RNF144B: variants seen among roughly 807,000 people sequenced by gnomAD.
RNF144B encodes ring finger protein 144B.
In RNF144B, 25 loss-of-function variants were observed where a neutral mutation model predicts 40.2. That is an observed-to-expected ratio of 0.62 (90% CI 0.45 to 0.87). The LOEUF is 0.87. RNF144B is among the 40% of genes least tolerant of loss of function. The pLI, the probability that RNF144B is intolerant of heterozygous loss-of-function variation, is 0.00. For missense variants in RNF144B, 365 were observed against 373.7 expected, an observed-to-expected ratio of 0.98 and a Z score of 0.19; for synonymous variants, 145 against 136.3, an observed-to-expected ratio of 1.06 and a Z score of -0.44.
rs1418632263 is a variant in RNF144B, at chr6:18,466,058, C to G, written c.*991C>G. The G allele has an allele frequency of 2.0e-5, 3 of 152,198 alleles. No individual in the cohort carries two copies. The highest frequency in any genetic ancestry group is 4.4e-5 in the Non-Finnish European group (3 of 68,038). The allele number at this position is 152,198 out of a possible 1,614,324, so 9.4% of individuals were successfully genotyped here. On this transcript the variant is annotated 3_prime_UTR_variant, in exon 8 of 8. Transcript: ENST00000259939. The stretch of plus-strand genomic sequence containing the variant: ...CTGTAATTTCTATCCATTGAGCATG[C>G]ATGGATATACCCAATAGTACACACA...
In RNF144B at chr6:18,395,110, T is replaced by A. The variant is rs551277250; in HGVS notation, c.-36-4389T>A. On this transcript the variant is annotated intron_variant, in intron 1 of 7. Coordinates refer to ENST00000259939, the MANE Select transcript of RNF144B (RefSeq NM_182757.4). The surrounding 1 kb of genome is among the most constrained non-coding windows in gnomAD (Gnocchi z 4.5). The stretch of plus-strand genomic sequence containing the variant: ...ACACTCGGTGAGAGGCACAGTCACA[T>A]CTATAATCACTGTAAAAGTAATTAT... 5.3e-5 allele frequency among the ~76,000 whole-genome samples: 8 copies of A among 152,378 alleles called. No individual in the cohort carries two copies. In the South Asian group the frequency reaches 1.7e-3, roughly 32 times the overall value.
chr6:18,437,876 A>G (rs1013038712), intron 3 of RNF144B, among the ~76,000 whole-genome samples: 1 of 152,206 alleles, frequency 6.6e-6, no homozygotes, highest in African/African-American at 2.4e-5. Context: ...ACATTTATAT[A>G]AATTGCTCAT....
At chr6:18,390,260 T>A (rs1485887586) in intron 1 of RNF144B, among the ~76,000 whole-genome samples, 3 of 152,240 alleles carry the variant, frequency 2.0e-5, no homozygotes, top group African/African-American at 7.2e-5. Context: ...TTTATGTAAA[T>A]ATTTTAATTC....
chr6:18,440,890 C>CAA (rs1758948445), intron 4 of RNF144B, among the ~76,000 whole-genome samples: 2 of 124,200 alleles, frequency 1.6e-5, no homozygotes, highest in Non-Finnish European at 3.5e-5. Context: ...GCTAAATATA[C>CAA]CAAAAAAAAA....
At chr6:18,394,456 G>A (rs996776058) in intron 1 of RNF144B, among the ~76,000 whole-genome samples, 2 of 151,994 alleles carry the variant, frequency 1.3e-5, no homozygotes, top group South Asian at 2.1e-4. Context: ...AAATTAGCCC[G>A]GCGTGGTGGT....
chr6:18,459,781 G>T lies in RNF144B; in HGVS notation c.681+30G>T. On this transcript the variant is annotated intron_variant, in intron 6 of 7. Transcript: ENST00000259939. This position sits in a 1 kb window ranked among gnomAD's most constrained non-coding sequence, Gnocchi z 4.2. ...GTTCCACCTAGGTTTGTTGTATGGTGTTTCCTATACTGTATCTGCACCACA... is the reference window on the plus strand; with the variant it reads ...GTTCCACCTAGGTTTGTTGTATGGTTTTTCCTATACTGTATCTGCACCACA... 6.2e-7 allele frequency: 1 copy of T among 1,608,170 alleles called. No homozygotes were observed. The highest frequency in any genetic ancestry group is 1.1e-5 in the South Asian group (1 of 90,754).
intron 2 of RNF144B, among the ~76,000 whole-genome samples, chr6:18,409,350 C>G (rs1394000101): frequency 1.5e-5 from 2 of 134,234 alleles, no homozygotes; most frequent in Non-Finnish European, 3.1e-5. Context: ...TGCACTCCAG[C>G]CCGGGCACCT....
chr6:18,448,715 C>CAA lies in RNF144B; in HGVS notation c.332-8439_332-8438insAA, dbSNP rs756204459. On this transcript the variant is annotated intron_variant, in intron 4 of 7. Transcript: ENST00000259939. The surrounding 1 kb of genome is among the most constrained non-coding windows in gnomAD (Gnocchi z 4.0). Reference sequence around the variant, plus strand: ...ACACACACACACACACACACACACACACCCCACCCCCAAGATAGAACCAGC... The same window carrying CAA: ...ACACACACACACACACACACACACACAAACCCCACCCCCAAGATAGAACCAGC... Among the ~76,000 whole-genome samples the CAA allele has an allele frequency of 6.7e-6, 1 of 149,916 alleles. No homozygotes were observed. Among genetic ancestry groups the CAA allele is most frequent in the Non-Finnish European group, 1.5e-5 (1 of 67,102 alleles).
chr6:18,423,061 T>C (rs1317583014), intron 2 of RNF144B, among the ~76,000 whole-genome samples: 1 of 152,246 alleles, frequency 6.6e-6, no homozygotes, highest in Non-Finnish European at 1.5e-5. Flanking sequence ...AGGTTCCTAT[T>C]TGTCTGTGGA....
intron 2 of RNF144B, among the ~76,000 whole-genome samples, chr6:18,404,618 A>G (rs541610073): frequency 4.6e-5 from 7 of 152,362 alleles, no homozygotes; most frequent in Non-Finnish European, 1.0e-4. Flanking sequence ...ATTAGCAGTT[A>G]GGATAGAGAG....
rs1758532439 is a variant in RNF144B at position 18,425,612 on chromosome 6, T to G, written c.166-1969T>G. Among the ~76,000 whole-genome samples the G allele has an allele frequency of 6.6e-6, 1 of 152,178 alleles. No individual in the cohort carries two copies. The highest frequency in any genetic ancestry group is 2.1e-4 in the South Asian group (1 of 4,834). On this transcript the variant is annotated intron_variant, in intron 2 of 7. Transcript: ENST00000259939. The surrounding 1 kb of genome is among the most constrained non-coding windows in gnomAD (Gnocchi z 4.2). ...TAGAGCAAGTGATTTTTCACCCTTCTGTTGAACAAGGAAGTCAGGGTTAAA... is the reference window on the plus strand; with the variant it reads ...TAGAGCAAGTGATTTTTCACCCTTCGGTTGAACAAGGAAGTCAGGGTTAAA...
intron 1 of RNF144B, among the ~76,000 whole-genome samples, chr6:18,392,705 C>A (rs569901949): frequency 6.6e-6 from 1 of 152,162 alleles, no homozygotes; most frequent in Admixed American, 6.5e-5. Context: ...CACAGTGATA[C>A]AATACTGCCA....
At chr6:18,432,214 G>A (rs7739820) in intron 3 of RNF144B, among the ~76,000 whole-genome samples, 102 of 152,172 alleles carry the variant, frequency 6.7e-4, no homozygotes, top group Non-Finnish European at 1.2e-3. Flanking sequence ...AGAGACTTAA[G>A]CATCTGAAGA....
rs143164688 is a variant in RNF144B at position 18,410,834 on chromosome 6, C to T, written c.165+11135C>T. On this transcript the variant is annotated intron_variant, in intron 2 of 7. Coordinates refer to ENST00000259939, the MANE Select transcript of RNF144B (RefSeq NM_182757.4). This position sits in a 1 kb window ranked among gnomAD's most constrained non-coding sequence, Gnocchi z 4.6. ...AACCATGGCAGGCTGAAGCAGAGCT[C>T]GGAGAACAATGTCCTTATCAACTTA... 3.9e-5 allele frequency among the ~76,000 whole-genome samples: 6 copies of T among 152,090 alleles called. No homozygotes were observed. The highest frequency in any genetic ancestry group is 3.9e-4 in the Admixed American group (6 of 15,264).
Position 18,417,831 on chromosome 6 carries a change from T to C in RNF144B, c.166-9750T>C, listed in dbSNP as rs372620176. Among the ~76,000 whole-genome samples, 8 of 152,298 alleles carry C rather than the reference T, an allele frequency of 5.3e-5. No homozygotes were observed. In the East Asian group the frequency reaches 7.7e-4, roughly 15 times the overall value. On this transcript the variant is annotated intron_variant, in intron 2 of 7. Transcript: ENST00000259939. The stretch of plus-strand genomic sequence containing the variant: ...AATGGGAGGAAATATTTGCAAGTCA[T>C]ATCTCATAAGGGATACAGCTAGAAT...
intron 2 of RNF144B, among the ~76,000 whole-genome samples, chr6:18,408,092 C>T (rs2147216): frequency 0.65 from 97,358 of 150,394 alleles, 31,632 homozygotes; most frequent in Non-Finnish European, 0.7. Context: ...TCAAGTGATT[C>T]TCCTGCCTTA....
chr6:18,433,559 GGA>G (rs1758743588), intron 3 of RNF144B, among the ~76,000 whole-genome samples: 1 of 152,186 alleles, frequency 6.6e-6, no homozygotes. Flanking sequence ...ATGACTGAGT[GGA>G]GGGAGAAAAG....
intron 1 of RNF144B, chr6:18,396,551 G>T (rs1794698307): frequency 1.0e-6 from 1 of 985,206 alleles, no homozygotes; most frequent in African/African-American, 1.7e-5. Flanking sequence ...TGACATTTGG[G>T]GTGTGGGATG....
Position 18,412,728 on chromosome 6 carries a change from T to C in RNF144B, c.165+13029T>C, listed in dbSNP as rs902343828. 6.6e-6 allele frequency among the ~76,000 whole-genome samples: 1 copy of C among 152,202 alleles called. No homozygotes were observed. Among genetic ancestry groups the C allele is most frequent in the African/African-American group, 2.4e-5 (1 of 41,454 alleles). ...AGATTGGTTATATAAGGCTTATCTA[T>C]GTGGATTCCAGATATGCAGTGTACC... On this transcript the variant is annotated intron_variant, in intron 2 of 7. Transcript: ENST00000259939. The surrounding 1 kb of genome is among the most constrained non-coding windows in gnomAD (Gnocchi z 4.2).
Sources: gnomAD v4.1 joint callset for allele counts (sites outside exome capture counted in the v4.1 genomes callset) on GRCh38, gnomAD v4.1.1 for gene constraint, Gnocchi (gnomAD v3.1) non-coding constraint, MANE v1.5 for transcripts, NCBI Gene and HGNC (gene_info 2026-07-23, HGNC 2026-07-21) for gene names.